Variants in PAM observed in about 807,000 individuals in gnomAD.
The protein encoded by PAM is peptidylglycine alpha-amidating monooxygenase, also known as peptidyl-glycine alpha-amidating monooxygenase.
PAM carries 72 observed loss-of-function variants against 122.1 expected under a neutral mutation model. The observed-to-expected ratio is 0.59, with a 90% CI of 0.49 to 0.72. The LOEUF is 0.72. Ranked by LOEUF, PAM falls within the 30% of genes least tolerant of loss-of-function variation. The pLI is 0.00. For synonymous variants in PAM, 389 were observed against 404.4 expected (o/e 0.96, Z 0.46); for missense variants, 1,106 against 1,183.7 (o/e 0.93, Z 0.96).
chr5:103,000,599 A>G, intron 16 of PAM, among the ~76,000 whole-genome samples: 1 of 152,200 alleles, frequency 6.6e-6, no homozygotes, highest in East Asian at 1.9e-4. Context: ...AAGATTGGGT[A>G]ATTTATAAAG....
chr5:102,896,199 C>T (rs940942029), intron 3 of PAM, among the ~76,000 whole-genome samples: 1 of 151,668 alleles, frequency 6.6e-6, no homozygotes, highest in Non-Finnish European at 1.5e-5. Flanking sequence ...TTTCCCTCAT[C>T]GTTTGCTCAT....
intron 7 of PAM, among the ~76,000 whole-genome samples, chr5:102,938,051 C>G (rs889948779): frequency 2.6e-5 from 4 of 152,150 alleles, no homozygotes; most frequent in African/African-American, 7.2e-5. Flanking sequence ...GGATATTCTT[C>G]ATGTTCTTCT....
chr5:102,813,396 A>G (rs1414700329), intron 1 of PAM, among the ~76,000 whole-genome samples: 1 of 152,234 alleles, frequency 6.6e-6, no homozygotes, highest in Non-Finnish European at 1.5e-5. Flanking sequence ...ATTTTTCCCA[A>G]TGATGGCAGT....
chr5:102,761,900 C>G (rs1054744024), intron 1 of PAM, among the ~76,000 whole-genome samples: 9 of 152,126 alleles, frequency 5.9e-5, no homozygotes, highest in African/African-American at 2.2e-4. Flanking sequence ...CTAATTACAT[C>G]AACAAATCCT....
intron 1 of PAM, chr5:102,808,028 G>C (rs912735528): frequency 1.3e-5 from 2 of 152,176 alleles, no homozygotes; most frequent in Non-Finnish European, 2.9e-5. Context: ...CCAGGAAGTT[G>C]TTAAAGCAAT....
intron 1 of PAM, among the ~76,000 whole-genome samples, chr5:102,769,341 A>G (rs1336621782): frequency 6.6e-6 from 1 of 152,052 alleles, no homozygotes; most frequent in East Asian, 1.9e-4. Flanking sequence ...TGCTGTGCAG[A>G]AGCTTTTTGA....
At chr5:102,879,579 T>C (rs971425886) in intron 3 of PAM, among the ~76,000 whole-genome samples, 4 of 152,040 alleles carry the variant, frequency 2.6e-5, no homozygotes, top group Admixed American at 6.5e-5. Flanking sequence ...CCCTTTGCTG[T>C]ATTCTCCTTC....
intron 1 of PAM, among the ~76,000 whole-genome samples, chr5:102,825,826 C>T (rs1316246853): frequency 1.3e-5 from 2 of 152,004 alleles, no homozygotes; most frequent in Non-Finnish European, 2.9e-5. Flanking sequence ...CCAGCCTGGG[C>T]AACAGATCAA....
chr5:102,757,135 G>A (rs1298611839), intron 1 of PAM, among the ~76,000 whole-genome samples: 1 of 152,104 alleles, frequency 6.6e-6, no homozygotes, highest in Non-Finnish European at 1.5e-5. Flanking sequence ...GTACCAGCCT[G>A]GCCGACATGG....
chr5:102,807,085 A>G (rs1324462521), intron 1 of PAM, among the ~76,000 whole-genome samples: 1 of 152,232 alleles, frequency 6.6e-6, no homozygotes, highest in Non-Finnish European at 1.5e-5. Context: ...GAATATCTTA[A>G]GATCTGGTAA....
chr5:102,930,748 A>G (rs987041402), intron 7 of PAM, among the ~76,000 whole-genome samples: 2 of 152,204 alleles, frequency 1.3e-5, no homozygotes, highest in Non-Finnish European at 2.9e-5. Flanking sequence ...AGCCTTATGA[A>G]GAAAGTATGG....
In PAM at chr5:102,763,781, A is replaced by G. The variant is rs138559761; in HGVS notation, c.-374+8433A>G. On this transcript the variant is annotated intron_variant, in intron 1 of 25. Coordinates refer to ENST00000438793, the MANE Select transcript of PAM (RefSeq NM_001177306.2). ...GAGAGAAGAGCTACTGTGAGGCTGG[A>G]CCCCTTGGCTGGTGGCCGGCCAGTC... Among the ~76,000 whole-genome samples, 317 of 152,232 alleles carry G rather than the reference A, an allele frequency of 2.1e-3. 6 individuals are homozygous for G. Among genetic ancestry groups the G allele is most frequent in the East Asian group, 7.3e-3 (38 of 5,176 alleles).
intron 1 of PAM, among the ~76,000 whole-genome samples, chr5:102,833,449 C>T (rs760164057): frequency 6.6e-6 from 1 of 152,046 alleles, no homozygotes; most frequent in Non-Finnish European, 1.5e-5. Context: ...AAACTTATTA[C>T]ATGAAGGTCA....
intron 1 of PAM, among the ~76,000 whole-genome samples, chr5:102,760,138 T>C (rs1227607165): frequency 6.6e-6 from 1 of 152,234 alleles, no homozygotes; most frequent in Non-Finnish European, 1.5e-5. Context: ...TTTTGGAAGA[T>C]AGAGGTATTC....
At position 102,849,237 on chromosome 5, in the gene PAM, G is replaced by A. The variant is rs191372137; in HGVS notation, c.-373-16586G>A. Among the ~76,000 whole-genome samples, 14 of 152,190 alleles carry A rather than the reference G, an allele frequency of 9.2e-5. No individual in the cohort carries two copies. In the East Asian group the frequency reaches 1.5e-3, roughly 17 times the overall value. On this transcript the variant is annotated intron_variant, in intron 1 of 25. Transcript: ENST00000438793. ...ATATTCTCAACACGGATCTGGAACCGCGCTCCAGTTCCAGAACTCTAGTAA... is the reference window on the plus strand; with the variant it reads ...ATATTCTCAACACGGATCTGGAACCACGCTCCAGTTCCAGAACTCTAGTAA...
chr5:103,015,310 T>A (rs1287694674), intron 21 of PAM, among the ~76,000 whole-genome samples: 1 of 152,220 alleles, frequency 6.6e-6, no homozygotes, highest in African/African-American at 2.4e-5. Flanking sequence ...TGTTATGCTA[T>A]GGAGTAGAAC....
At position 102,960,066 on chromosome 5, in the gene PAM, A is replaced by C. The variant is rs963202293; in HGVS notation, c.1090+7A>C. 1.5e-5 allele frequency: 22 copies of C among 1,451,124 alleles called. No individual in the cohort carries two copies. Among genetic ancestry groups the C allele is most frequent in the Middle Eastern group, 1.8e-4 (1 of 5,672 alleles). The allele number at this position is 1,451,124 out of a possible 1,614,324, so 89.9% of individuals were successfully genotyped here. A position where few individuals can be genotyped will look rare whatever the true frequency, so the allele number is the denominator to read the frequency against. ...ATGCATGAACATCATAAAGGTAATA[A>C]TTGATGTTTAATATAAAGTAATATA... On this transcript the variant is annotated splice_region_variant and intron_variant, in intron 13 of 25. Coordinates refer to ENST00000438793, the MANE Select transcript of PAM (RefSeq NM_001177306.2).
At chr5:102,883,413 T>C (rs1177946927) in intron 3 of PAM, among the ~76,000 whole-genome samples, 1 of 152,118 alleles carries the variant, frequency 6.6e-6, no homozygotes, top group Non-Finnish European at 1.5e-5. Flanking sequence ...TAGTTTTACT[T>C]GTAGAGGTCT....
At chr5:102,925,924 G>A (rs904279988) in intron 6 of PAM, among the ~76,000 whole-genome samples, 2 of 152,094 alleles carry the variant, frequency 1.3e-5, no homozygotes, top group Non-Finnish European at 2.9e-5. Flanking sequence ...CAGTAATCTA[G>A]TTGGTAACTG....
Sources: allele counts gnomAD v4.1 joint callset (sites outside exome capture counted in the v4.1 genomes callset), GRCh38; gene constraint gnomAD v4.1.1; transcripts MANE v1.5; gene names NCBI Gene and HGNC (gene_info 2026-07-23, HGNC 2026-07-21).